Variants in MCTP1 observed in about 807,000 individuals in gnomAD.
The protein encoded by MCTP1 is multiple C2 and transmembrane domain containing 1.
In MCTP1, 69 loss-of-function variants were observed where a neutral mutation model predicts 120.6. That is an observed-to-expected ratio of 0.57 (90% CI 0.47 to 0.70). MCTP1 has a LOEUF of 0.70. Among genes scored for constraint, MCTP1 ranks in the 30% least tolerant of loss-of-function variants. MCTP1 has a pLI of 0.00. For synonymous variants in MCTP1, 529 were observed against 493.1 expected (o/e 1.07, Z -0.96); for missense variants, 1,203 against 1,248.8 (o/e 0.96, Z 0.55).
At chr5:94,969,438 C>T (rs952703742) in intron 2 of MCTP1, among the ~76,000 whole-genome samples, 4 of 152,050 alleles carry the variant, frequency 2.6e-5, no homozygotes, top group Non-Finnish European at 4.4e-5. Flanking sequence ...AATAAATAAG[C>T]CTCCTGGTTA....
At chr5:94,993,408 C>T (rs901341515) in intron 2 of MCTP1, among the ~76,000 whole-genome samples, 2 of 152,172 alleles carry the variant, frequency 1.3e-5, no homozygotes, top group African/African-American at 4.8e-5. Flanking sequence ...ATGATGAACT[C>T]ATGCTGTAAA....
Position 94,963,965 on chromosome 5 carries a change from T to C in MCTP1, c.839-10604A>G, listed in dbSNP as rs577399497. Among the ~76,000 whole-genome samples the C allele has an allele frequency of 2.5e-4, 38 of 152,318 alleles. No individual in the cohort carries two copies. In the South Asian group the frequency reaches 7.5e-3, roughly 30 times the overall value. ...TTTTCAGGTCTTACGTTTAAGTCTT[T>C]AATCTATTTTGAATTGATATTTTTA... On this transcript the variant is annotated intron_variant, in intron 2 of 22. Coordinates refer to ENST00000515393, the MANE Select transcript of MCTP1 (RefSeq NM_024717.7).
chr5:94,821,478 C>T (rs745646610), intron 17 of MCTP1, among the ~76,000 whole-genome samples: 22 of 152,154 alleles, frequency 1.4e-4, no homozygotes, highest in East Asian at 5.8e-4. Flanking sequence ...CTAGAATTAA[C>T]GTATTTTTTC....
chr5:95,259,669 T>C (rs906192204), intron 1 of MCTP1, among the ~76,000 whole-genome samples: 18 of 152,192 alleles, frequency 1.2e-4, no homozygotes, highest in Admixed American at 7.9e-4. Flanking sequence ...GCCCCCACAT[T>C]GGATGGGGAG....
intron 17 of MCTP1, among the ~76,000 whole-genome samples, chr5:94,866,057 G>A (rs1252742722): frequency 1.3e-5 from 2 of 151,888 alleles, no homozygotes; most frequent in Non-Finnish European, 1.5e-5. Context: ...AAATGGAAAC[G>A]CCAGGAAAAT....
chr5:95,176,850 A>G (rs1173743323), intron 1 of MCTP1, among the ~76,000 whole-genome samples: 1 of 152,022 alleles, frequency 6.6e-6, no homozygotes, highest in African/African-American at 2.4e-5. Context: ...AATATAAAAA[A>G]TAAAAATATA....
intron 19 of MCTP1, among the ~76,000 whole-genome samples, chr5:94,744,246 T>C (rs75496558): frequency 0.054 from 8,251 of 152,290 alleles, 360 homozygotes; most frequent in African/African-American, 0.12. Context: ...AGTGCTCGGA[T>C]TATAGGCGTG....
intron 1 of MCTP1, among the ~76,000 whole-genome samples, chr5:95,029,972 C>T (rs1839982365): frequency 6.6e-6 from 1 of 152,202 alleles, no homozygotes; most frequent in Non-Finnish European, 1.5e-5. Flanking sequence ...ACTCCCACTC[C>T]CTACACAGAA....
chr5:94,912,981 T>C lies in MCTP1; in HGVS notation c.1351-5A>G. On this transcript the variant is annotated splice_polypyrimidine_tract_variant and splice_region_variant and intron_variant, in intron 8 of 22. Coordinates refer to ENST00000515393, the MANE Select transcript of MCTP1 (RefSeq NM_024717.7). ...GCGTAAACTTTGGGTCTGAAACTTT[T>C]GGCAAATGAAAATTGAGTTAGGTTA... The C allele has an allele frequency of 6.3e-7, 1 of 1,584,448 alleles. No homozygotes were observed. The highest frequency in any genetic ancestry group is 8.6e-7 in the Non-Finnish European group (1 of 1,168,062).
At position 95,284,582 on chromosome 5, in the gene MCTP1, C is replaced by T. The variant is rs1472701369; in HGVS notation, c.-7G>A. ...CGGCAGCCCGGGGCTCCATCCTCCA[C>T]CCCCTGCTCCTCCTCTCCCCTCCTC... On this transcript the variant is annotated 5_prime_UTR_variant, in exon 1 of 23. The change creates a new upstream start codon in the 5' untranslated region. Transcript: ENST00000515393. This position sits in a 1 kb window ranked among gnomAD's most constrained non-coding sequence, Gnocchi z 5.2. 4 of 1,418,700 alleles carry T rather than the reference C, an allele frequency of 2.8e-6. No homozygotes were observed. Among genetic ancestry groups the T allele is most frequent in the Non-Finnish European group, 2.7e-6 (3 of 1,099,488 alleles). 87.9% of individuals were successfully genotyped at this position (1,418,700 alleles called of 1,614,324 possible).
chr5:95,140,665 G>T (rs1007482008), intron 1 of MCTP1, among the ~76,000 whole-genome samples: 1 of 124,012 alleles, frequency 8.1e-6, no homozygotes, highest in Admixed American at 1.0e-4. Context: ...AGACCATCCT[G>T]GCTAACACCG....
At chr5:95,000,691 A>C (rs1264096417) in intron 2 of MCTP1, among the ~76,000 whole-genome samples, 1 of 152,236 alleles carries the variant, frequency 6.6e-6, no homozygotes, top group Non-Finnish European at 1.5e-5. Flanking sequence ...AGACTCAAAA[A>C]ATTCTAAAAA....
At chr5:94,751,971 G>A (rs761067772) in intron 19 of MCTP1, among the ~76,000 whole-genome samples, 13 of 147,656 alleles carry the variant, frequency 8.8e-5, no homozygotes, top group South Asian at 2.2e-4. Flanking sequence ...GGTGCAGGGA[G>A]GGGGGAGGGT....
chr5:94,810,973 C>A (rs1192790374), intron 17 of MCTP1, among the ~76,000 whole-genome samples: 7 of 152,160 alleles, frequency 4.6e-5, no homozygotes, highest in Admixed American at 3.3e-4. Context: ...TAATATCATA[C>A]ATTTCAGCTA....
At chr5:94,761,115 AC>A (rs1771232865) in intron 19 of MCTP1, among the ~76,000 whole-genome samples, 2 of 152,270 alleles carry the variant, frequency 1.3e-5, no homozygotes, top group Non-Finnish European at 2.9e-5. Context: ...AGAAACTGTT[AC>A]GTTTTAAGAA....
chr5:94,844,618 A>T (rs528396680), intron 17 of MCTP1, among the ~76,000 whole-genome samples: 2 of 152,296 alleles, frequency 1.3e-5, no homozygotes, highest in African/African-American at 4.8e-5. Flanking sequence ...ATGAAAGAGT[A>T]AGAAGGAATG....
Position 94,706,261 on chromosome 5 carries a change from C to A in MCTP1, c.*1235G>T, listed in dbSNP as rs1754555808. 6.6e-6 allele frequency: 1 copy of A among 151,588 alleles called. No individual in the cohort carries two copies. The highest frequency in any genetic ancestry group is 1.9e-4 in the East Asian group (1 of 5,144). 9.4% of individuals were successfully genotyped at this position (151,588 alleles called of 1,614,324 possible). ...TTCTCAACCAACCAAATTATTTTTT[C>A]TCCAGAGTTATGCTCCCTTAGTATA... is the stretch of plus-strand genomic sequence containing the variant. On this transcript the variant is annotated 3_prime_UTR_variant, in exon 23 of 23. Transcript: ENST00000515393.
chr5:94,885,312 AAAAC>A (rs1425514101), intron 12 of MCTP1, among the ~76,000 whole-genome samples: 2 of 151,858 alleles, frequency 1.3e-5, no homozygotes, highest in Non-Finnish European at 2.9e-5. Flanking sequence ...AAAAAAAAAA[AAAAC>A]AGAGAGAAAG....
At position 95,262,604 on chromosome 5, in the gene MCTP1, A is replaced by G. The variant is rs149487354; in HGVS notation, c.720+21252T>C. On this transcript the variant is annotated intron_variant, in intron 1 of 22. Coordinates refer to ENST00000515393, the MANE Select transcript of MCTP1 (RefSeq NM_024717.7). Reference sequence around the variant, plus strand: ...AATCAAGTTAGAATATCTCTATTTGAGAAAGTGATTATCTCTATTTAACCT... The same window carrying G: ...AATCAAGTTAGAATATCTCTATTTGGGAAAGTGATTATCTCTATTTAACCT... 5.4e-3 allele frequency among the ~76,000 whole-genome samples: 816 copies of G among 152,314 alleles called. 7 individuals carry two copies. Among genetic ancestry groups the G allele is most frequent in the African/African-American group, 0.019 (775 of 41,566 alleles).
Sources: gnomAD v4.1 joint callset for allele counts (sites outside exome capture counted in the v4.1 genomes callset) on GRCh38, gnomAD v4.1.1 for gene constraint, Gnocchi (gnomAD v3.1) non-coding constraint, MANE v1.5 for transcripts, NCBI Gene and HGNC (gene_info 2026-07-23, HGNC 2026-07-21) for gene names.